Variants in KSR2 observed in about 807,000 individuals in gnomAD.
The protein encoded by KSR2 is kinase suppressor of ras 2.
A neutral mutation model predicts 107.8 loss-of-function variants in KSR2; 25 were observed. The observed-to-expected ratio is 0.23, with a 90% CI of 0.17 to 0.32. The LOEUF is 0.32. Ranked by LOEUF, KSR2 falls within the 10% of genes least tolerant of loss-of-function variation. KSR2 has a pLI of 1.00. For missense variants in KSR2, 887 were observed against 1,268.9 expected (o/e 0.70, Z 4.57); for synonymous variants, 480 against 507.0 (o/e 0.95, Z 0.71).
intron 10 of KSR2, among the ~76,000 whole-genome samples, chr12:117,533,553 C>A (rs1875814198): frequency 6.6e-6 from 1 of 152,210 alleles, no homozygotes; most frequent in Admixed American, 6.5e-5. Context: ...AAGAAAATCA[C>A]CCTCCATGAC....
At chr12:117,810,265 C>T (rs887848739) in intron 3 of KSR2, among the ~76,000 whole-genome samples, 2 of 152,192 alleles carry the variant, frequency 1.3e-5, no homozygotes, top group Non-Finnish European at 2.9e-5. Flanking sequence ...ACAGTATCTC[C>T]ATCAACTGCC....
At chr12:117,695,108 C>A (rs1885997946) in intron 4 of KSR2, among the ~76,000 whole-genome samples, 1 of 152,070 alleles carries the variant, frequency 6.6e-6, no homozygotes, top group South Asian at 2.1e-4. Flanking sequence ...CTCGGCCTCC[C>A]AAAGTGCTAG....
intron 5 of KSR2, among the ~76,000 whole-genome samples, chr12:117,652,125 T>C (rs1475177562): frequency 1.3e-5 from 2 of 152,010 alleles, no homozygotes; most frequent in Non-Finnish European, 2.9e-5. Context: ...CGCAACGGCA[T>C]AAGAATGATA....
At chr12:117,745,600 G>A (rs951225845) in intron 4 of KSR2, among the ~76,000 whole-genome samples, 4 of 152,142 alleles carry the variant, frequency 2.6e-5, no homozygotes, top group Non-Finnish European at 4.4e-5. Flanking sequence ...GCAAGAGAAA[G>A]AAATAAAGGG....
chr12:117,705,914 C>T (rs1886506919), intron 4 of KSR2, among the ~76,000 whole-genome samples: 1 of 152,000 alleles, frequency 6.6e-6, no homozygotes, highest in Non-Finnish European at 1.5e-5. Context: ...GTGTATTCTT[C>T]TGTAAAATGG....
intron 4 of KSR2, among the ~76,000 whole-genome samples, chr12:117,697,975 C>T (rs1247081934): frequency 2.6e-5 from 4 of 152,146 alleles, no homozygotes; most frequent in South Asian, 4.2e-4. Context: ...CACAGAGACA[C>T]GCACAGAGAG....
chr12:117,865,115 AG>A (rs1235955098), intron 1 of KSR2, among the ~76,000 whole-genome samples: 1 of 152,286 alleles, frequency 6.6e-6, no homozygotes, highest in East Asian at 1.9e-4. Context: ...AAAACTAATC[AG>A]GTTTAAATTA....
At position 117,465,110 on chromosome 12, in the gene KSR2, T is replaced by C. The variant is rs1446994855; in HGVS notation, c.*2089A>G. On this transcript the variant is annotated 3_prime_UTR_variant, in exon 20 of 20. Transcript: ENST00000339824. Reference sequence around the variant, plus strand: ...GTGGACCCAAGAAGTCCTGGTGTGATGGAAGAGAAGTGAGTGGTTGGGTTT... The same window carrying C: ...GTGGACCCAAGAAGTCCTGGTGTGACGGAAGAGAAGTGAGTGGTTGGGTTT... 2 of 152,012 alleles carry C rather than the reference T, an allele frequency of 1.3e-5. No individual in the cohort carries two copies. The highest frequency in any genetic ancestry group is 4.8e-5 in the African/African-American group (2 of 41,356). The allele number at this position is 152,012 out of a possible 1,614,324, so 9.4% of individuals were successfully genotyped here.
At chr12:117,784,585 C>T (rs992831084) in intron 3 of KSR2, among the ~76,000 whole-genome samples, 1 of 152,184 alleles carries the variant, frequency 6.6e-6, no homozygotes, top group African/African-American at 2.4e-5. Context: ...CTAGTGGTCC[C>T]CAGTGTCTGC....
intron 3 of KSR2, among the ~76,000 whole-genome samples, chr12:117,791,080 T>C (rs1890232668): frequency 6.6e-6 from 1 of 152,160 alleles, no homozygotes; most frequent in Non-Finnish European, 1.5e-5. Context: ...CTCTCCCTAA[T>C]CAGAGCATAG....
chr12:117,854,657 T>C (rs1893040635), intron 3 of KSR2, among the ~76,000 whole-genome samples: 1 of 152,168 alleles, frequency 6.6e-6, no homozygotes, highest in Admixed American at 6.5e-5. Flanking sequence ...GTGGCTGGCA[T>C]GTGCAGAGCG....
At chr12:117,527,947 A>G (rs1381389388) in intron 12 of KSR2, among the ~76,000 whole-genome samples, 2 of 129,528 alleles carry the variant, frequency 1.5e-5, no homozygotes, top group African/African-American at 6.2e-5. Context: ...GCTGGAAGAC[A>G]CAAGTGTGTG....
intron 3 of KSR2, among the ~76,000 whole-genome samples, chr12:117,770,639 GGT>G (rs1889409370): frequency 6.6e-6 from 1 of 151,902 alleles, no homozygotes; most frequent in African/African-American, 2.4e-5. Flanking sequence ...TTAGGAAACT[GGT>G]GCTGATCTCA....
chr12:117,728,336 A>G (rs574286635), intron 4 of KSR2, among the ~76,000 whole-genome samples: 1 of 152,330 alleles, frequency 6.6e-6, no homozygotes, highest in East Asian at 1.9e-4. Context: ...TGAGAAAAAG[A>G]CCAACACACT....
intron 1 of KSR2, among the ~76,000 whole-genome samples, chr12:117,879,546 C>T (rs1478085537): frequency 6.6e-6 from 1 of 152,106 alleles, no homozygotes; most frequent in African/African-American, 2.4e-5. Context: ...AAAACCTACT[C>T]TCTACAAAAA....
intron 9 of KSR2, among the ~76,000 whole-genome samples, chr12:117,551,929 A>C (rs556204806): frequency 2.2e-4 from 33 of 152,310 alleles, no homozygotes; most frequent in Admixed American, 1.9e-3. Context: ...TCTGACACCA[A>C]GAGGCTCACT....
intron 4 of KSR2, among the ~76,000 whole-genome samples, chr12:117,681,590 T>A (rs1885365910): frequency 6.6e-6 from 1 of 151,856 alleles, no homozygotes; most frequent in Admixed American, 6.6e-5. Context: ...GGAGGTAGGG[T>A]TTTATGCTGA....
chr12:117,706,607 T>G (rs1010032129), intron 4 of KSR2, among the ~76,000 whole-genome samples: 1 of 152,042 alleles, frequency 6.6e-6, no homozygotes, highest in Non-Finnish European at 1.5e-5. Context: ...AAGTGGGGAT[T>G]CACTGCAAAC....
At chr12:117,505,069 C>G (rs190374172) in intron 14 of KSR2, among the ~76,000 whole-genome samples, 98 of 152,282 alleles carry the variant, frequency 6.4e-4, no homozygotes, top group African/African-American at 2.4e-3. Flanking sequence ...CAAGTTGCTG[C>G]AAAAGACATG....
Sources: allele counts gnomAD v4.1 joint callset (sites outside exome capture counted in the v4.1 genomes callset), GRCh38; gene constraint gnomAD v4.1.1; transcripts MANE v1.5; gene names NCBI Gene and HGNC (gene_info 2026-07-23, HGNC 2026-07-21).